FRMD4A: variants seen among roughly 807,000 people sequenced by gnomAD.
FRMD4A encodes the protein FERM domain containing 4A, also known as FERM domain-containing protein 4A.
A neutral mutation model predicts 129.1 loss-of-function variants in FRMD4A; 29 were observed. The observed-to-expected ratio is 0.22, with a 90% CI of 0.17 to 0.31. The LOEUF is 0.31. Among genes scored for constraint, FRMD4A ranks in the 10% least tolerant of loss-of-function variants. FRMD4A has a pLI of 1.00. For missense variants in FRMD4A, 1,272 were observed against 1,375.8 expected, an observed-to-expected ratio of 0.92 and a Z score of 1.19; for synonymous variants, 634 against 571.6, an observed-to-expected ratio of 1.11 and a Z score of -1.56.
At chr10:13,699,025 C>A (rs544121290) in intron 14 of FRMD4A, among the ~76,000 whole-genome samples, 2 of 150,926 alleles carry the variant, frequency 1.3e-5, no homozygotes, top group Non-Finnish European at 2.9e-5. Flanking sequence ...CTAAAAGACA[C>A]GTCTTGTTGC....
At chr10:13,762,811 T>A (rs1174194284) in intron 6 of FRMD4A, 131 bp from the exon 7 acceptor site, 4 of 648,706 alleles carry the variant, frequency 6.2e-6, no homozygotes, top group South Asian at 1.8e-5. Flanking sequence ...CTGGGCAACA[T>A]AATGAGATGC....
intron 2 of FRMD4A, among the ~76,000 whole-genome samples, chr10:14,063,021 A>G (rs1004013894): frequency 5.3e-5 from 8 of 152,170 alleles, no homozygotes; most frequent in Non-Finnish European, 7.3e-5. Flanking sequence ...TTCCTGTTTC[A>G]TTGACAGTGC....
In FRMD4A at chr10:13,836,948, G is replaced by A. The variant is rs561944174; in HGVS notation, c.111+21899C>T. On this transcript the variant is annotated intron_variant, in intron 3 of 24. Transcript: ENST00000357447. ...AATTTTTTGTATTTTTAGTAGAGAC[G>A]GGGTTTCACCGTGTTAGCCAGGACG... Among the ~76,000 whole-genome samples the A allele has an allele frequency of 3.9e-5, 6 of 152,076 alleles. No individual in the cohort carries two copies. The East Asian group carries it at 5.8e-4, about 15-fold the overall frequency.
At chr10:13,734,264 G>A (rs2090492071) in intron 12 of FRMD4A, among the ~76,000 whole-genome samples, 1 of 152,082 alleles carries the variant, frequency 6.6e-6, no homozygotes, top group African/African-American at 2.4e-5. Flanking sequence ...CCCTCATCAT[G>A]TCCTGGTTTC....
chr10:14,246,191 T>C (rs1844229597), intron 2 of FRMD4A, among the ~76,000 whole-genome samples: 1 of 152,186 alleles, frequency 6.6e-6, no homozygotes, highest in African/African-American at 2.4e-5. Context: ...CCCAGATTTC[T>C]CAGGTCCAAT....
chr10:13,974,898 G>A (rs1307116192), intron 2 of FRMD4A, among the ~76,000 whole-genome samples: 6 of 152,262 alleles, frequency 3.9e-5, no homozygotes, highest in Non-Finnish European at 7.3e-5. Flanking sequence ...GAGAGGCTGT[G>A]CGTGCAAGTG....
intron 2 of FRMD4A, among the ~76,000 whole-genome samples, chr10:14,293,307 C>T (rs10796176): frequency 0.32 from 48,485 of 151,676 alleles, 8,023 homozygotes; most frequent in Middle Eastern, 0.37. Flanking sequence ...CCTTCCACCA[C>T]AGGATGATGC....
intron 15 of FRMD4A, among the ~76,000 whole-genome samples, chr10:13,683,579 AGAGT>A (rs1405269419): frequency 6.6e-6 from 1 of 152,136 alleles, no homozygotes; most frequent in East Asian, 1.9e-4. Context: ...CCTGGGTAAC[AGAGT>A]GAGACCCTGT....
At chr10:14,094,369 C>T (rs908222756) in intron 2 of FRMD4A, among the ~76,000 whole-genome samples, 27 of 152,282 alleles carry the variant, frequency 1.8e-4, no homozygotes, top group African/African-American at 5.8e-4. Context: ...CCCTGGGGGA[C>T]GATCACAGAA....
chr10:14,303,286 T>G (rs1220205359), intron 2 of FRMD4A, among the ~76,000 whole-genome samples: 2 of 152,152 alleles, frequency 1.3e-5, no homozygotes, highest in African/African-American at 2.4e-5. Context: ...GTGCACAGAA[T>G]CACCAGGGGT....
At position 13,713,861 on chromosome 10, in the gene FRMD4A, T is replaced by TATACATATATA. The variant is rs1564671283; in HGVS notation, c.760-6749_760-6748insTATATATGTAT. Among the ~76,000 whole-genome samples, 6 of 19,074 alleles carry TATACATATATA rather than the reference T, an allele frequency of 3.1e-4. 1 individual carries two copies. In the East Asian group the frequency reaches 8.5e-3, roughly 27 times the overall value. The allele number at this position is 19,074 out of a possible 152,430, so 12.5% of individuals were successfully genotyped here. On this transcript the variant is annotated intron_variant, in intron 12 of 24. Coordinates refer to ENST00000357447, the MANE Select transcript of FRMD4A (RefSeq NM_018027.5). Reference sequence around the variant, plus strand: ...GTAATATATATACACATATATATAATATATATACATATATGTAATATATAT... The same window carrying TATACATATATA: ...GTAATATATATACACATATATATAATATACATATATAATATATACATATATGTAATATATAT...
At chr10:13,825,345 C>G (rs549220693) in intron 3 of FRMD4A, among the ~76,000 whole-genome samples, 50 of 152,234 alleles carry the variant, frequency 3.3e-4, no homozygotes, top group African/African-American at 1.1e-3. Flanking sequence ...CCCCAAACCC[C>G]GGGCCGCAGA....
intron 2 of FRMD4A, among the ~76,000 whole-genome samples, chr10:13,943,968 A>C (rs2797880): frequency 0.052 from 7,966 of 152,242 alleles, 502 homozygotes; most frequent in East Asian, 0.27. Flanking sequence ...AACTCCGGCC[A>C]TCAGTAAGGG....
intron 2 of FRMD4A, among the ~76,000 whole-genome samples, chr10:13,877,100 C>T (rs1313816143): frequency 6.6e-6 from 1 of 152,132 alleles, no homozygotes; most frequent in African/African-American, 2.4e-5. Flanking sequence ...TCTTTGTATA[C>T]TACTATAGTC....
At chr10:14,021,392 A>T (rs1293169745) in intron 2 of FRMD4A, among the ~76,000 whole-genome samples, 3 of 151,176 alleles carry the variant, frequency 2.0e-5, no homozygotes, top group African/African-American at 4.9e-5. Flanking sequence ...AATAAAAAAA[A>T]AAAATAATAA....
At chr10:14,250,118 G>A (rs1181558673) in intron 2 of FRMD4A, among the ~76,000 whole-genome samples, 3 of 152,160 alleles carry the variant, frequency 2.0e-5, no homozygotes, top group Admixed American at 6.5e-5. Context: ...GTGCTACCAC[G>A]CCTGGCTAAG....
intron 2 of FRMD4A, among the ~76,000 whole-genome samples, chr10:14,185,472 T>G (rs774134395): frequency 3.3e-5 from 5 of 152,216 alleles, no homozygotes; most frequent in Non-Finnish European, 5.9e-5. Context: ...ACAAAAAACA[T>G]TACAACATTT....
intron 2 of FRMD4A, among the ~76,000 whole-genome samples, chr10:13,919,215 A>AAGC (rs1403254328): frequency 6.6e-6 from 1 of 152,244 alleles, no homozygotes; most frequent in East Asian, 1.9e-4. Flanking sequence ...ACTCCTGCTC[A>AAGC]AGCGCCATAA....
intron 2 of FRMD4A, among the ~76,000 whole-genome samples, chr10:14,255,325 C>G (rs1455742060): frequency 1.3e-5 from 2 of 152,136 alleles, no homozygotes; most frequent in Admixed American, 1.3e-4. Context: ...ACAGTGCTAC[C>G]CATATCAGCT....
Sources: gnomAD v4.1 joint callset for allele counts (sites outside exome capture counted in the v4.1 genomes callset) on GRCh38, gnomAD v4.1.1 for gene constraint, MANE v1.5 for transcripts, NCBI Gene and HGNC (gene_info 2026-07-23, HGNC 2026-07-21) for gene names.